Variants in L3MBTL3 observed in about 807,000 individuals in gnomAD.
The protein encoded by L3MBTL3 is lethal(3)malignant brain tumor-like protein 3.
A neutral mutation model predicts 102.3 loss-of-function variants in L3MBTL3; 27 were observed. The ratio of observed to expected loss-of-function variants is 0.26; its 90% CI spans 0.19 to 0.36. The LOEUF (loss-of-function observed/expected upper bound fraction) is 0.36. Ranked by LOEUF, L3MBTL3 falls within the 10% of genes least tolerant of loss-of-function variation. The probability of loss-of-function intolerance (pLI) is 1.00; values close to 1 mark genes in which losing one functional copy is unlikely to be tolerated. For missense variants in L3MBTL3, 798 were observed against 955.3 expected (o/e 0.84, Z 2.17); for synonymous variants, 340 against 320.9 (o/e 1.06, Z -0.64).
chr6:130,087,439 A>G (rs1783758560), intron 16 of L3MBTL3, among the ~76,000 whole-genome samples: 1 of 152,186 alleles, frequency 6.6e-6, no homozygotes, highest in Non-Finnish European at 1.5e-5. Context: ...TTTACAATTA[A>G]GTACAATATT....
chr6:130,051,343 C>T lies in L3MBTL3; in HGVS notation c.384C>T (p.Asn128=), dbSNP rs774867771. The T allele has an allele frequency of 1.1e-5, 17 of 1,613,944 alleles. No individual in the cohort carries two copies. In the South Asian group the frequency reaches 1.4e-4, roughly 14 times the overall value. ...GTGAGAACTGTTGTCAGTATGGCAA[C>T]GTAGATGAGTGTCTTTCTGGAGGAA... is the stretch of plus-strand genomic sequence containing the variant. ...QFCENCCQYG[N]VDECLSGGNY... The change falls in exon 6 of 23, where the codon AAC becomes AAT. Residue 128 remains asparagine (N), a synonymous_variant. Transcript: ENST00000361794.
intron 5 of L3MBTL3, 22 bp downstream of exon 5, chr6:130,049,852 T>G: frequency 6.3e-7 from 1 of 1,596,470 alleles, no homozygotes; most frequent in South Asian, 1.1e-5. Context: ...TCCACATGTC[T>G]GAAATGCAAT....
intron 2 of L3MBTL3, among the ~76,000 whole-genome samples, chr6:130,031,240 C>A (rs956775669): frequency 6.6e-6 from 1 of 152,178 alleles, no homozygotes; most frequent in Non-Finnish European, 1.5e-5. Context: ...CAAGCAGGTT[C>A]AGACTGGGAG....
intron 10 of L3MBTL3, among the ~76,000 whole-genome samples, chr6:130,064,255 G>A (rs951667664): frequency 6.6e-6 from 1 of 152,182 alleles, no homozygotes; most frequent in Non-Finnish European, 1.5e-5. Context: ...AAGGCTTGGG[G>A]TGAGGAGAGC....
At chr6:130,099,294 A>T (rs572063470) in intron 18 of L3MBTL3, among the ~76,000 whole-genome samples, 1 of 152,284 alleles carries the variant, frequency 6.6e-6, no homozygotes, top group African/African-American at 2.4e-5. Context: ...AGTTGTACAT[A>T]TACATGTGCA....
chr6:130,026,407 A>G (rs938499097), intron 2 of L3MBTL3, among the ~76,000 whole-genome samples: 2 of 152,164 alleles, frequency 1.3e-5, no homozygotes, highest in Non-Finnish European at 2.9e-5. Context: ...ATACTGGCAT[A>G]TGATTGATGT....
At chr6:130,039,920 T>A (rs899682606) in intron 2 of L3MBTL3, among the ~76,000 whole-genome samples, 3 of 152,232 alleles carry the variant, frequency 2.0e-5, no homozygotes, top group African/African-American at 7.2e-5. Flanking sequence ...ACATTCTTAG[T>A]TACCACACTA....
chr6:130,099,312 AACCAT>A (rs1784549205), intron 18 of L3MBTL3, among the ~76,000 whole-genome samples: 1 of 152,144 alleles, frequency 6.6e-6, no homozygotes, highest in Non-Finnish European at 1.5e-5. Context: ...GCACGTGTCT[AACCAT>A]GACAGAACAT....
chr6:130,042,824 A>AC, intron 3 of L3MBTL3, 23 bp downstream of exon 3: 2 of 1,453,820 alleles, frequency 1.4e-6, no homozygotes, highest in Non-Finnish European at 9.7e-7. Flanking sequence ...TATTACATAC[A>AC]ATTATGTGTG....
In L3MBTL3 at chr6:130,049,769, C is replaced by T. The variant is rs749164944; in HGVS notation, c.228C>T (p.Pro76=). 6.2e-7 allele frequency: 1 copy of T among 1,614,122 alleles called. No homozygotes were observed. The highest frequency in any genetic ancestry group is 1.1e-5 in the South Asian group (1 of 91,080). ...VPTAQEAPTS[P]PSSRPVFPPA... is the part of the protein sequence containing the mutation. ...CTACATCTCCAGCCCCGACCTCTCC[C>T]CCGAGCTCCAGGCCCGTATTTCCAC... Residue 76 remains proline, a synonymous_variant, in exon 5 of 23, where the codon CCC becomes CCT. Coordinates refer to ENST00000361794, the MANE Select transcript of L3MBTL3 (RefSeq NM_032438.4).
intron 13 of L3MBTL3, among the ~76,000 whole-genome samples, chr6:130,072,093 G>C (rs561728646): frequency 6.6e-6 from 1 of 151,534 alleles, no homozygotes; most frequent in Non-Finnish European, 1.5e-5. Context: ...TGTATCTGTG[G>C]GTTGCACATC....
rs551505560 is a variant in L3MBTL3 at position 130,030,025 on chromosome 6, A to C, written c.-16+7720A>C. ...TTTCAGTCACCACCACACCCAGCTA[A>C]TTTTTGTATTTTCAGTAGAGATAGG... On this transcript the variant is annotated intron_variant, in intron 2 of 22. Coordinates refer to ENST00000361794, the MANE Select transcript of L3MBTL3 (RefSeq NM_032438.4). Among the ~76,000 whole-genome samples the C allele has an allele frequency of 3.3e-5, 5 of 152,100 alleles. No individual in the cohort carries two copies. The South Asian group carries it at 1.0e-3, about 32-fold the overall frequency.
At chr6:130,068,228 A>T in intron 11 of L3MBTL3, 102 bp from the exon 12 acceptor site, 1 of 607,476 alleles carries the variant, frequency 1.6e-6, no homozygotes, top group East Asian at 2.6e-5. Context: ...TTAAAAAGTC[A>T]TTTGATTGAT....
chr6:130,036,040 T>C (rs1428283374), intron 2 of L3MBTL3, among the ~76,000 whole-genome samples: 1 of 151,608 alleles, frequency 6.6e-6, no homozygotes, highest in East Asian at 1.9e-4. Flanking sequence ...AGGTGGATTG[T>C]GGTGTAGCAG....
At chr6:130,021,655 G>A (rs1480957043) in intron 1 of L3MBTL3, among the ~76,000 whole-genome samples, 1 of 152,186 alleles carries the variant, frequency 6.6e-6, no homozygotes, top group African/African-American at 2.4e-5. Context: ...CTTTAGTTGA[G>A]ATTTGTCTTT....
At chr6:130,123,805 G>A (rs998345160) in intron 20 of L3MBTL3, among the ~76,000 whole-genome samples, 4 of 152,124 alleles carry the variant, frequency 2.6e-5, no homozygotes, top group African/African-American at 9.7e-5. Flanking sequence ...AATCCAGGGA[G>A]CTTTGGTCCG....
chr6:130,050,033 T>C (rs1273127983), intron 5 of L3MBTL3, among the ~76,000 whole-genome samples: 1 of 152,224 alleles, frequency 6.6e-6, no homozygotes, highest in Non-Finnish European at 1.5e-5. Context: ...TTGATTTTTA[T>C]TTCCTAATAT....
At chr6:130,035,784 C>T (rs1278717778) in intron 2 of L3MBTL3, among the ~76,000 whole-genome samples, 1 of 151,954 alleles carries the variant, frequency 6.6e-6, no homozygotes, top group Admixed American at 6.6e-5. Context: ...GGCTGGAGAC[C>T]AATAGAAGTT....
Position 130,071,045 on chromosome 6 carries a change from A to G in L3MBTL3, c.1162A>G (p.Ile388Val), listed in dbSNP as rs745705585. Residue 388 changes from isoleucine to valine, a missense_variant, in exon 13 of 23, where the codon ATC (isoleucine) becomes GTC (valine). Ile to Val is a conservative substitution (Grantham distance 29). Transcript: ENST00000361794. ...EAVDKKNPSF[I>V]CVATVTDMVD... ...AGTAGACAAAAAGAATCCCTCATTC[A>G]TCTGTGTTGCTACGGTAACAGATAT... The G allele has an allele frequency of 2.5e-5, 40 of 1,613,392 alleles. No homozygotes were observed. The highest frequency in any genetic ancestry group is 5.0e-5 in the Admixed American group (3 of 59,952).
Sources: allele counts gnomAD v4.1 joint callset (sites outside exome capture counted in the v4.1 genomes callset), GRCh38; gene constraint gnomAD v4.1.1; transcripts MANE v1.5; gene names NCBI Gene and HGNC (gene_info 2026-07-23, HGNC 2026-07-21).